The following SV2C variants were observed in gnomAD, a reference collection of about 807,000 sequenced individuals.
The protein encoded by SV2C is solute carrier family 22 member B3.
In SV2C, 49 loss-of-function variants were observed where a neutral mutation model predicts 79.7. The observed-to-expected ratio is 0.61, with a 90% CI of 0.49 to 0.78. SV2C has a LOEUF of 0.78. Among genes scored for constraint, SV2C ranks in the 30% least tolerant of loss-of-function variants. The pLI is 0.00. For synonymous variants in SV2C, 334 were observed against 333.2 expected (o/e 1.00, Z -0.03); for missense variants, 833 against 912.9 (o/e 0.91, Z 1.13).
At chr5:75,866,306 CTG>C in the SV2C span, among the ~76,000 whole-genome samples, 32 of 152,058 alleles carry the variant, frequency 2.1e-4, no homozygotes, top group Non-Finnish European at 4.1e-4. Context: ...TAAAAATTAA[CTG>C]TTATGCAATC....
chr5:76,260,986 G>A (rs1241431627), intron 4 of SV2C, among the ~76,000 whole-genome samples: 8 of 152,070 alleles, frequency 5.3e-5, no homozygotes, highest in East Asian at 1.9e-4. Flanking sequence ...GAAGAAAGTC[G>A]ATGGTAGCTT....
chr5:76,102,601 A>T (rs1427089843), intron 1 of SV2C, among the ~76,000 whole-genome samples: 3 of 152,226 alleles, frequency 2.0e-5, no homozygotes, highest in African/African-American at 7.2e-5. Flanking sequence ...AAAGGGCATA[A>T]TCCCAGAGAA....
chr5:76,032,890 A>C, the SV2C span, among the ~76,000 whole-genome samples: 9 of 152,152 alleles, frequency 5.9e-5, no homozygotes, highest in Admixed American at 5.2e-4. Flanking sequence ...CTATTTCTTC[A>C]TATCCTCTCC....
intron 4 of SV2C, among the ~76,000 whole-genome samples, chr5:76,279,726 G>A (rs1440999736): frequency 1.3e-5 from 2 of 152,188 alleles, no homozygotes; most frequent in Non-Finnish European, 2.9e-5. Context: ...GGGGAACTGA[G>A]GAATAGCAGT....
At position 76,331,121 on chromosome 5, in the gene SV2C, G is replaced by T. The variant is rs1749174216; in HGVS notation, c.*5574G>T. On this transcript the variant is annotated 3_prime_UTR_variant, in exon 13 of 13. Coordinates refer to ENST00000502798, the MANE Select transcript of SV2C (RefSeq NM_014979.4). ...GATCTACCCACCTTGGCCTCCCAAA[G>T]TGCTGGGATTACAGGCATGAGCCAC... 6.6e-6 allele frequency: 1 copy of T among 152,372 alleles called. No homozygotes were observed. The highest frequency in any genetic ancestry group is 3.4e-3 in the Middle Eastern group (1 of 294). The allele number at this position is 152,372 out of a possible 1,614,324, so 9.4% of individuals were successfully genotyped here. A position where few individuals can be genotyped will look rare whatever the true frequency, so the allele number is the denominator to read the frequency against.
the SV2C span, among the ~76,000 whole-genome samples, chr5:76,048,967 G>GAA: frequency 3.7e-5 from 2 of 54,286 alleles, no homozygotes; most frequent in Admixed American, 2.4e-4. Flanking sequence ...AAGAAAAAGA[G>GAA]AAAGAAAGAA....
chr5:75,935,520 C>A, the SV2C span, among the ~76,000 whole-genome samples: 1 of 151,654 alleles, frequency 6.6e-6, no homozygotes, highest in African/African-American at 2.4e-5. Flanking sequence ...TTGAAAATAA[C>A]CATCAATAGG....
At chr5:76,101,814 C>CT (rs894262340) in intron 1 of SV2C, among the ~76,000 whole-genome samples, 1 of 152,032 alleles carries the variant, frequency 6.6e-6, no homozygotes, top group South Asian at 2.1e-4. Context: ...CTATGAAGAA[C>CT]TTTTTTTGGT....
At chr5:75,848,960 A>G in the SV2C span, among the ~76,000 whole-genome samples, 1 of 152,256 alleles carries the variant, frequency 6.6e-6, no homozygotes, top group Non-Finnish European at 1.5e-5. Flanking sequence ...GAGATAATAT[A>G]CATTAAATAT....
At chr5:76,257,965 A>G (rs4704302) in intron 4 of SV2C, among the ~76,000 whole-genome samples, 127,551 of 149,852 alleles carry the variant, frequency 0.85, 54,516 homozygotes, top group Middle Eastern at 0.95. Flanking sequence ...GTGGGGTATA[A>G]ACGTGTGGTG....
At chr5:76,205,148 C>CGTGTGTGT (rs3073534) in intron 3 of SV2C, among the ~76,000 whole-genome samples, 34 of 149,072 alleles carry the variant, frequency 2.3e-4, no homozygotes, top group African/African-American at 8.1e-4. Flanking sequence ...AGGTGTTGTG[C>CGTGTGTGT]GTGTGTGTGT....
the SV2C span, among the ~76,000 whole-genome samples, chr5:75,901,137 T>G: frequency 6.6e-6 from 1 of 152,226 alleles, no homozygotes; most frequent in East Asian, 1.9e-4. Flanking sequence ...AGGACCTGCA[T>G]TCCTTTGGAA....
At chr5:76,223,444 CATATATATATATATATAT>C (rs70979384) in intron 4 of SV2C, among the ~76,000 whole-genome samples, 63 of 45,782 alleles carry the variant, frequency 1.4e-3, no homozygotes, top group Admixed American at 5.2e-3. Context: ...TACATACATA[CATATATATATATATATAT>C]ATATATATAT....
chr5:75,862,188 G>A, the SV2C span, among the ~76,000 whole-genome samples: 1 of 152,160 alleles, frequency 6.6e-6, no homozygotes, highest in African/African-American at 2.4e-5. Context: ...TCCTTCCTCT[G>A]ACAAGGAACT....
chr5:75,937,455 C>G, the SV2C span, among the ~76,000 whole-genome samples: 4 of 152,112 alleles, frequency 2.6e-5, no homozygotes, highest in Non-Finnish European at 5.9e-5. Flanking sequence ...AATCCCAGCA[C>G]TTTGGGAGGC....
At chr5:76,351,664 T>C (rs1749643950) in intron 12 of SV2C, among the ~76,000 whole-genome samples, 1 of 152,298 alleles carries the variant, frequency 6.6e-6, no homozygotes, top group Admixed American at 6.5e-5. Context: ...CAGAGCTAGC[T>C]GCCTCCACTC....
chr5:76,171,747 C>T (rs1177001278), intron 2 of SV2C, among the ~76,000 whole-genome samples: 3 of 137,058 alleles, frequency 2.2e-5, no homozygotes, highest in Admixed American at 7.1e-5. Flanking sequence ...CCGTGCCGTC[C>T]GGGAGGGAGG....
At chr5:75,932,502 C>A in the SV2C span, among the ~76,000 whole-genome samples, 7 of 152,182 alleles carry the variant, frequency 4.6e-5, no homozygotes, top group African/African-American at 1.7e-4. Flanking sequence ...ACAGTTTGAC[C>A]CACATATTTA....
At chr5:76,249,505 G>A (rs935460679) in intron 4 of SV2C, among the ~76,000 whole-genome samples, 21 of 152,168 alleles carry the variant, frequency 1.4e-4, no homozygotes, top group African/African-American at 5.1e-4. Flanking sequence ...TTGTAGCACT[G>A]TAATTTAAAG....
Sources: allele counts gnomAD v4.1 joint callset (sites outside exome capture counted in the v4.1 genomes callset), GRCh38; gene constraint gnomAD v4.1.1; transcripts MANE v1.5; gene names NCBI Gene and HGNC (gene_info 2026-07-23, HGNC 2026-07-21).